GAB1: variants seen among roughly 807,000 people sequenced by gnomAD.
The protein encoded by GAB1 is GRB2 associated binding protein 1.
In GAB1, 19 loss-of-function variants were observed where a neutral mutation model predicts 66.5. The ratio of observed to expected loss-of-function variants is 0.29; its 90% CI spans 0.20 to 0.42. The LOEUF (loss-of-function observed/expected upper bound fraction) is 0.42, where lower values mean the gene tolerates loss of function less well. Among genes scored for constraint, GAB1 ranks in the 10% least tolerant of loss-of-function variants. The pLI is 1.00. For missense variants in GAB1, 732 were observed against 858.5 expected (o/e 0.85, Z 1.84); for synonymous variants, 294 against 301.4 (o/e 0.98, Z 0.25).
chr4:143,468,308 G>A (rs147667159), intron 9 of GAB1, among the ~76,000 whole-genome samples: 2,271 of 141,298 alleles, frequency 0.016, 59 homozygotes, highest in African/African-American at 0.059. Context: ...TCTGCCACCC[G>A]GGTTCAAGCC....
intron 3 of GAB1, among the ~76,000 whole-genome samples, chr4:143,434,784 T>C (rs889680253): frequency 4.6e-5 from 7 of 152,186 alleles, no homozygotes; most frequent in Admixed American, 2.0e-4. Flanking sequence ...CCCTTTCCTC[T>C]TCTAAGCTAT....
At chr4:143,440,686 A>G (rs1734181479) in intron 6 of GAB1, among the ~76,000 whole-genome samples, 1 of 152,198 alleles carries the variant, frequency 6.6e-6, no homozygotes, top group South Asian at 2.1e-4. Flanking sequence ...CCGTAGCCCC[A>G]TCTAATGGGA....
At chr4:143,389,547 C>T (rs982317066) in intron 1 of GAB1, among the ~76,000 whole-genome samples, 3 of 152,242 alleles carry the variant, frequency 2.0e-5, no homozygotes, top group Middle Eastern at 3.4e-3. Context: ...AGGGAAAGTG[C>T]AGGGGTCTCT....
intron 1 of GAB1, among the ~76,000 whole-genome samples, chr4:143,400,282 A>G (rs1435431249): frequency 2.0e-5 from 3 of 152,224 alleles, no homozygotes; most frequent in Non-Finnish European, 1.5e-5. Context: ...CCAAGTTTTG[A>G]GAACAGAGCA....
chr4:143,380,279 C>T (rs762691654), intron 1 of GAB1, among the ~76,000 whole-genome samples: 2 of 151,854 alleles, frequency 1.3e-5, no homozygotes, highest in African/African-American at 2.4e-5. Flanking sequence ...ATCTCTAGTG[C>T]TCTTTTTATT....
In GAB1 at chr4:143,417,986, G is replaced by A. The variant is rs1464335930; in HGVS notation, c.367+2215G>A. 2.0e-5 allele frequency among the ~76,000 whole-genome samples: 3 copies of A among 152,248 alleles called. No homozygotes were observed. In the East Asian group the frequency reaches 5.8e-4, roughly 29 times the overall value. On this transcript the variant is annotated intron_variant, in intron 2 of 9. Transcript: ENST00000262994. ...CAACACCAAGATTCGGATTGAAGTG[G>A]AGCTAATCATCTCTAATGAGCTCAG...
rs1736156529 is a variant in GAB1, at chr4:143,473,209, G to A, written c.*4020G>A. ...CCAAATTTTGACAACAAAATCATAT[G>A]TATAAATTTATTTCTCCCCTCTTGT... On this transcript the variant is annotated 3_prime_UTR_variant, in exon 10 of 10. Coordinates refer to ENST00000262994, the MANE Select transcript of GAB1 (RefSeq NM_002039.4). 6.6e-6 allele frequency: 1 copy of A among 152,142 alleles called. No homozygotes were observed. Among genetic ancestry groups the A allele is most frequent in the African/African-American group, 2.4e-5 (1 of 41,436 alleles). The allele number at this position is 152,142 out of a possible 1,614,324, so 9.4% of individuals were successfully genotyped here. A position where few individuals can be genotyped will look rare whatever the true frequency, so the allele number is the denominator to read the frequency against.
chr4:143,432,139 G>A (rs1019213016), intron 2 of GAB1, among the ~76,000 whole-genome samples: 2 of 152,124 alleles, frequency 1.3e-5, no homozygotes, highest in African/African-American at 2.4e-5. Context: ...AGCCCACTGC[G>A]CAGGGCCTTT....
chr4:143,365,673 G>A (rs527502502), intron 1 of GAB1, among the ~76,000 whole-genome samples: 8 of 152,294 alleles, frequency 5.3e-5, no homozygotes, highest in African/African-American at 1.9e-4. Flanking sequence ...TTCCCATAGA[G>A]CATTTTTCTA....
intron 1 of GAB1, among the ~76,000 whole-genome samples, chr4:143,338,878 C>A (rs1581205451): frequency 6.6e-6 from 1 of 152,126 alleles, no homozygotes; most frequent in East Asian, 1.9e-4. Context: ...TTAATTCATT[C>A]TTTCACATGG....
chr4:143,364,581 C>G (rs1047574439), intron 1 of GAB1, among the ~76,000 whole-genome samples: 1 of 152,146 alleles, frequency 6.6e-6, no homozygotes, highest in Non-Finnish European at 1.5e-5. Flanking sequence ...TGTCCAGAGT[C>G]AAGTCTGTCT....
chr4:143,417,855 C>T (rs1399215219), intron 2 of GAB1, among the ~76,000 whole-genome samples: 2 of 152,198 alleles, frequency 1.3e-5, no homozygotes, highest in Admixed American at 1.3e-4. Context: ...GGTCTTTGAC[C>T]TTCTTGTCTT....
intron 1 of GAB1, among the ~76,000 whole-genome samples, chr4:143,413,381 A>G (rs1170103753): frequency 6.6e-6 from 1 of 152,150 alleles, no homozygotes; most frequent in Non-Finnish European, 1.5e-5. Flanking sequence ...TGAATCCAAC[A>G]CTTTATGACT....
intron 1 of GAB1, among the ~76,000 whole-genome samples, chr4:143,357,865 C>CATATAT (rs28989211): frequency 1.6e-3 from 236 of 148,978 alleles, no homozygotes; most frequent in African/African-American, 5.6e-3. Flanking sequence ...AGTTTTAAAT[C>CATATAT]ATATATATAT....
intron 6 of GAB1, among the ~76,000 whole-genome samples, chr4:143,442,390 G>C (rs28925915): frequency 4.0e-4 from 61 of 152,188 alleles, no homozygotes; most frequent in East Asian, 3.7e-3. Context: ...TTGCTCCTCT[G>C]CTGCTCTTTT....
At chr4:143,372,405 A>G (rs1222449878) in intron 1 of GAB1, among the ~76,000 whole-genome samples, 2 of 152,208 alleles carry the variant, frequency 1.3e-5, no homozygotes, top group East Asian at 3.9e-4. Context: ...CTGGGTATTC[A>G]GCTGTGAACA....
intron 5 of GAB1, 93 bp from the exon 6 acceptor site, chr4:143,439,986 G>T: frequency 7.1e-7 from 1 of 1,404,878 alleles, no homozygotes. Context: ...ATAAAAGTAC[G>T]CTGAGATCCA....
chr4:143,407,645 A>G (rs570956480), intron 1 of GAB1, among the ~76,000 whole-genome samples: 1 of 152,310 alleles, frequency 6.6e-6, no homozygotes, highest in Non-Finnish European at 1.5e-5. Context: ...ACAGTTTGAA[A>G]ACAGGAAATT....
At chr4:143,465,539 C>A (rs1426146105) in intron 8 of GAB1, among the ~76,000 whole-genome samples, 1 of 152,140 alleles carries the variant, frequency 6.6e-6, no homozygotes, top group Admixed American at 6.5e-5. Context: ...TTAGCAGCTT[C>A]TTTATCATTT....
Sources: allele counts gnomAD v4.1 joint callset (sites outside exome capture counted in the v4.1 genomes callset), GRCh38; gene constraint gnomAD v4.1.1; transcripts MANE v1.5; gene names NCBI Gene and HGNC (gene_info 2026-07-23, HGNC 2026-07-21).